PCK2: variants seen among roughly 807,000 people sequenced by gnomAD.
The protein encoded by PCK2 is phosphoenolpyruvate carboxykinase 2, mitochondrial.
In PCK2, 56 loss-of-function variants were observed where a neutral mutation model predicts 65.9. That is an observed-to-expected ratio of 0.85 (90% CI 0.69 to 1.06). PCK2 has a LOEUF of 1.06. PCK2 is among the 50% of genes least tolerant of loss of function. The pLI, the probability that PCK2 is intolerant of heterozygous loss-of-function variation, is 0.00. For missense variants in PCK2, 843 were observed against 863.1 expected (o/e 0.98, Z 0.29); for synonymous variants, 305 against 319.6 (o/e 0.95, Z 0.49).
At position 24,094,975 on chromosome 14, in the gene PCK2, T is replaced by C; in HGVS notation, c.29+541T>C. Reference sequence around the variant, plus strand: ...GAAGTCCAGAGCAGCCCGAGGGACCTGGGCCCAGGGGAGGGAGGCAAGCAA... The same window carrying C: ...GAAGTCCAGAGCAGCCCGAGGGACCCGGGCCCAGGGGAGGGAGGCAAGCAA... On this transcript the variant is annotated intron_variant, in intron 1 of 9. Coordinates refer to ENST00000216780, the MANE Select transcript of PCK2 (RefSeq NM_004563.4). This position sits in a 1 kb window ranked among gnomAD's most constrained non-coding sequence, Gnocchi z 4.1. The C allele has an allele frequency of 1.4e-6, 1 of 718,476 alleles. No individual in the cohort carries two copies. The highest frequency in any genetic ancestry group is 1.5e-5 in the South Asian group (1 of 64,918). The allele number at this position is 718,476 out of a possible 1,614,324, so 44.5% of individuals were successfully genotyped here.
Position 24,103,628 on chromosome 14 carries a change from C to T in PCK2, c.1587C>T (p.Ile529=), listed in dbSNP as rs773571980. ...EGRKGAQLPR[I]FHVNWFRRDE... is the part of the protein sequence containing the mutation. ...GCAAGGGGGCCCAGCTGCCCCGTAT[C>T]TTCCATGTCAACTGGTTCCGGCGTG... The change falls in exon 10 of 10, where the codon ATC becomes ATT. Residue 529 remains isoleucine (I), a synonymous_variant. Transcript: ENST00000216780. The T allele has an allele frequency of 2.4e-5, 38 of 1,614,070 alleles. No homozygotes were observed. The South Asian group carries it at 3.5e-4, about 15-fold the overall frequency.
intron 3 of PCK2, 23 bp from the exon 4 acceptor site, chr14:24,098,432 ACAGGTTTGGAACCCTTCATC>A: frequency 1.2e-6 from 2 of 1,612,844 alleles, no homozygotes; most frequent in Non-Finnish European, 1.7e-6. Flanking sequence ...GAAGATGTGA[ACAGGTTTGGAACCCTTCATC>A]CAGGGGATGC....
chr14:24,098,219 G>T lies in PCK2; in HGVS notation c.292G>T (p.Asp98Tyr), dbSNP rs138965807. The T allele has an allele frequency of 1.2e-6, 2 of 1,611,074 alleles. No individual in the cohort carries two copies. Among genetic ancestry groups the T allele is most frequent in the Non-Finnish European group, 1.7e-6 (2 of 1,177,868 alleles). The stretch of plus-strand genomic sequence containing the variant: ...CTCCCCCAGCTGGCTGGCCCGCACA[G>T]ACCCCAAGGATGTGGCACGAGTAGA... ...KYNNCWLART[D>Y]PKDVARVESK... is the part of the protein sequence containing the mutation. Residue 98 changes from aspartate (D) to tyrosine (Y), a missense_variant, in exon 3 of 10, where the codon GAC (aspartate) becomes TAC (tyrosine). Coordinates refer to ENST00000216780, the MANE Select transcript of PCK2 (RefSeq NM_004563.4).
At chr14:24,103,060 G>A (rs547327387) in intron 8 of PCK2, 100 bp from the exon 9 acceptor site, 24 of 1,192,408 alleles carry the variant, frequency 2.0e-5, no homozygotes, top group Middle Eastern at 1.9e-4. Context: ...TGGGATAGCC[G>A]AGGTCTTAGG....
chr14:24,098,555 T>C lies in PCK2; in HGVS notation c.541T>C (p.Ser181Pro). 1 of 1,614,192 alleles carries C rather than the reference T, an allele frequency of 6.2e-7. No homozygotes were observed. Among genetic ancestry groups the C allele is most frequent in the Non-Finnish European group, 8.5e-7 (1 of 1,180,022 alleles). ...CCGCATCGGGGTGCAGCTCACTGAC[T>C]CAGCCTATGTGGTGGCAAGCATGCG... ...LSRIGVQLTD[S>P]AYVVASMRIM... Residue 181 changes from serine (S) to proline (P), a missense_variant, in exon 4 of 10, where the codon TCA becomes CCA. Transcript: ENST00000216780.
At position 24,094,989 on chromosome 14, in the gene PCK2, G is replaced by A. The variant is rs984286845; in HGVS notation, c.29+555G>A. On this transcript the variant is annotated intron_variant, in intron 1 of 9. Coordinates refer to ENST00000216780, the MANE Select transcript of PCK2 (RefSeq NM_004563.4). This position sits in a 1 kb window ranked among gnomAD's most constrained non-coding sequence, Gnocchi z 4.1. ...CCCGAGGGACCTGGGCCCAGGGGAG[G>A]GAGGCAAGCAAGGTGGGAGGAGGGC... 3.4e-6 allele frequency: 2 copies of A among 592,644 alleles called. No individual in the cohort carries two copies. Among genetic ancestry groups the A allele is most frequent in the African/African-American group, 1.9e-5 (1 of 52,120 alleles). The allele number at this position is 592,644 out of a possible 1,614,324, so 36.7% of individuals were successfully genotyped here. A position where few individuals can be genotyped will look rare whatever the true frequency, so the allele number is the denominator to read the frequency against.
At position 24,103,224 on chromosome 14, in the gene PCK2, C is replaced by T; in HGVS notation, c.1437C>T (p.Arg479=). 6.2e-7 allele frequency: 1 copy of T among 1,614,020 alleles called. No individual in the cohort carries two copies. Among genetic ancestry groups the T allele is most frequent in the Non-Finnish European group, 8.5e-7 (1 of 1,179,882 alleles). The change falls in exon 9 of 10, where the codon CGC becomes CGT. Residue 479 remains arginine, a synonymous_variant. Transcript: ENST00000216780. ...GGGTGTTTGTGGGCAGCGCCATGCGCTCTGAGTCCACTGCTGCAGCAGAAC... is the reference window on the plus strand; with the variant it reads ...GGGTGTTTGTGGGCAGCGCCATGCGTTCTGAGTCCACTGCTGCAGCAGAAC... ...RHGVFVGSAM[R]SESTAAAEHK...
chr14:24,098,478 G>A lies in PCK2; in HGVS notation c.464G>A (p.Arg155His), dbSNP rs777817195. ...DERFPGCMQG[R>H]TMYVLPFSMG... ...CAGGGGATGCCTTCCTCCACAGGCC[G>A]CACCATGTATGTGCTTCCATTCAGC... Residue 155 changes from arginine (R) to histidine (H), a missense_variant, in exon 4 of 10, where the codon CGC becomes CAC. Physicochemically the swap from Arg to His is conservative, Grantham distance 29. Transcript: ENST00000216780. The A allele has an allele frequency of 3.7e-5, 60 of 1,613,760 alleles. No individual in the cohort carries two copies. The highest frequency in any genetic ancestry group is 2.0e-4 in the Admixed American group (12 of 59,948).
chr14:24,094,575 TCCAGCCTCCCGCGCCGCG>T lies in PCK2; in HGVS notation c.29+143_29+160del. ...GGCGGGCAGGGGCGACTGCTGTGGG[TCCAGCCTCCCGCGCCGCG>T]CGTCTCTTGGGAGGGCAGCCGGCCG... On this transcript the variant is annotated intron_variant, in intron 1 of 9. Transcript: ENST00000216780. The surrounding 1 kb of genome is among the most constrained non-coding windows in gnomAD (Gnocchi z 4.1). The T allele has an allele frequency of 6.9e-7, 1 of 1,449,726 alleles. No individual in the cohort carries two copies. The highest frequency in any genetic ancestry group is 9.1e-7 in the Non-Finnish European group (1 of 1,104,836). The allele number at this position is 1,449,726 out of a possible 1,614,324, so 89.8% of individuals were successfully genotyped here.
rs745821621 is a variant in PCK2 at position 24,094,376 on chromosome 14, T to C, written c.-30T>C. Reference sequence around the variant, plus strand: ...TACCTCCCCGGCTCCGCTCGGTTCCTGGCCACCCCGCAGCCCCTGCCCAGG... The same window carrying C: ...TACCTCCCCGGCTCCGCTCGGTTCCCGGCCACCCCGCAGCCCCTGCCCAGG... On this transcript the variant is annotated 5_prime_UTR_variant, in exon 1 of 10. Transcript: ENST00000216780. This position sits in a 1 kb window ranked among gnomAD's most constrained non-coding sequence, Gnocchi z 4.1. 6.5e-7 allele frequency: 1 copy of C among 1,543,504 alleles called. No individual in the cohort carries two copies. Among genetic ancestry groups the C allele is most frequent in the South Asian group, 1.2e-5 (1 of 84,428 alleles).
Position 24,103,919 on chromosome 14 carries a change from G to A in PCK2, c.1878G>A (p.Val626=). ...TCAACCAGGATCTGCCCAAAGAGGT[G>A]TTGGCTGAGCTTGAGGCCCTGGAGA... ...EQVNQDLPKE[V]LAELEALERR... Residue 626 remains valine, a synonymous_variant, in exon 10 of 10, where the codon GTG becomes GTA. Transcript: ENST00000216780. The A allele has an allele frequency of 6.2e-7, 1 of 1,614,154 alleles. No individual in the cohort carries two copies. Among genetic ancestry groups the A allele is most frequent in the Non-Finnish European group, 8.5e-7 (1 of 1,180,042 alleles).
chr14:24,102,954 CCT>C, intron 8 of PCK2, 64 bp downstream of exon 8: 2 of 1,495,588 alleles, frequency 1.3e-6, no homozygotes, highest in Non-Finnish European at 9.2e-7. Context: ...GGCCTACCTC[CCT>C]CCCTCTGATC....
intron 2 of PCK2, among the ~76,000 whole-genome samples, chr14:24,097,958 C>CT (rs113313039): frequency 0.014 from 2,014 of 145,176 alleles, 26 homozygotes; most frequent in African/African-American, 0.033. Context: ...AGATCCTTTG[C>CT]TTTTTTTTTT....
chr14:24,096,791 A>G, intron 1 of PCK2, 101 bp from the exon 2 acceptor site: 2 of 981,114 alleles, frequency 2.0e-6, no homozygotes, highest in Non-Finnish European at 3.1e-6. Flanking sequence ...GCATGCAGAC[A>G]TGTTTTAGCA....
rs777427545 is a variant in PCK2, at chr14:24,103,523, G to T, written c.1482G>T (p.Met494Ile). The stretch of plus-strand genomic sequence containing the variant: ...CTTCCCCCCCAGGGAAGATCATCAT[G>T]CACGACCCATTTGCCATGCGGCCCT... The part of the protein sequence containing the change: ...AAAEHKGKII[M>I]HDPFAMRPFF... The change falls in exon 10 of 10, where the codon ATG (methionine) becomes ATT (isoleucine). Residue 494 changes from methionine to isoleucine, a missense_variant. Met to Ile is a conservative substitution (Grantham distance 10). Transcript: ENST00000216780. The T allele has an allele frequency of 2.5e-5, 39 of 1,554,372 alleles. No homozygotes were observed. The highest frequency in any genetic ancestry group is 4.1e-5 in the African/African-American group (3 of 73,322).
At chr14:24,096,773 TG>T in intron 1 of PCK2, 118 bp from the exon 2 acceptor site, 1 of 833,258 alleles carries the variant, frequency 1.2e-6, no homozygotes, top group Non-Finnish European at 2.0e-6. Flanking sequence ...CTGCTCTTCA[TG>T]GTCCCTGCAT....
Position 24,104,097 on chromosome 14 carries a change from C to G in PCK2, c.*133C>G. On this transcript the variant is annotated 3_prime_UTR_variant, in exon 10 of 10. Coordinates refer to ENST00000216780, the MANE Select transcript of PCK2 (RefSeq NM_004563.4). ...CCATAGACCTTCCCACAAAGACTGT[C>G]CAATAATAAGAGATGCTTATCTATT... is the stretch of plus-strand genomic sequence containing the variant. 1 of 643,800 alleles carries G rather than the reference C, an allele frequency of 1.6e-6. No homozygotes were observed. Among genetic ancestry groups the G allele is most frequent in the Middle Eastern group, 2.6e-4 (1 of 3,914 alleles). The allele number at this position is 643,800 out of a possible 1,614,324, so 39.9% of individuals were successfully genotyped here.
At position 24,100,135 on chromosome 14, in the gene PCK2, G is replaced by A. The variant is rs772315574; in HGVS notation, c.1156G>A (p.Val386Met). The A allele has an allele frequency of 6.9e-5, 112 of 1,613,502 alleles. No individual in the cohort carries two copies. Among genetic ancestry groups the A allele is most frequent in the Non-Finnish European group, 8.5e-5 (100 of 1,179,684 alleles). ...TGTGGCTGAGACCAGTGATGGTGGC[G>A]TGTACTGGGAGGGCATTGACCAGCC... The part of the protein sequence containing the change: ...TNVAETSDGG[V>M]YWEGIDQPLP... Residue 386 changes from valine (V) to methionine (M), a missense_variant, in exon 7 of 10, where the codon GTG becomes ATG. By Grantham distance (21) the Val-to-Met change is conservative. Transcript: ENST00000216780.
intron 7 of PCK2, among the ~76,000 whole-genome samples, chr14:24,101,455 T>A (rs1476375336): frequency 6.6e-6 from 1 of 152,174 alleles, no homozygotes; most frequent in Admixed American, 6.5e-5. Flanking sequence ...GCTTCATACA[T>A]GTGCCACTGA....
Sources: allele counts gnomAD v4.1 joint callset (sites outside exome capture counted in the v4.1 genomes callset), GRCh38; gene constraint gnomAD v4.1.1; non-coding constraint Gnocchi (gnomAD v3.1); transcripts MANE v1.5; gene names NCBI Gene and HGNC (gene_info 2026-07-23, HGNC 2026-07-21).